The following NFIA variants were observed in gnomAD, a reference collection of about 807,000 sequenced individuals.
The protein encoded by NFIA is nuclear factor I A.
NFIA carries 8 observed loss-of-function variants against 62.8 expected under a neutral mutation model. The ratio of observed to expected loss-of-function variants is 0.13; its 90% CI spans 0.07 to 0.23. The LOEUF is 0.23. Among genes scored for constraint, NFIA ranks in the 10% least tolerant of loss-of-function variants. NFIA has a pLI of 1.00. For missense variants in NFIA, 410 were observed against 642.1 expected, an observed-to-expected ratio of 0.64 and a Z score of 3.91; for synonymous variants, 235 against 238.1, an observed-to-expected ratio of 0.99 and a Z score of 0.12.
In NFIA at chr1:61,283,447, T is replaced by C. The variant is rs1469687499; in HGVS notation, c.625+5862T>C. Among the ~76,000 whole-genome samples, 6 of 151,174 alleles carry C rather than the reference T, an allele frequency of 4.0e-5. No homozygotes were observed. The East Asian group carries it at 1.2e-3, about 30-fold the overall frequency. ...AAAAAAAAAAATTAACCGGGCGTGA[T>C]GGCAGATGCTTGTAATCCTAGCCAC... On this transcript the variant is annotated intron_variant, in intron 3 of 10. Transcript: ENST00000403491.
At chr1:61,135,858 C>T (rs1647175028) in intron 2 of NFIA, among the ~76,000 whole-genome samples, 1 of 152,148 alleles carries the variant, frequency 6.6e-6, no homozygotes, top group Non-Finnish European at 1.5e-5. Context: ...CCATCCTTAT[C>T]CTTGTCTGGA....
chr1:61,088,240 A>T lies in NFIA; in HGVS notation c.119A>T (p.Tyr40Phe), dbSNP rs1357781210. The change falls in exon 2 of 11, where the codon TAC becomes TTC. Residue 40 changes from tyrosine (Y) to phenylalanine (F), a missense_variant. This residue lies in a region of NFIA where 86 missense variants were observed against 124.6 expected (regional missense o/e 0.69). Transcript: ENST00000403491. This position sits in a 1 kb window ranked among gnomAD's most constrained non-coding sequence, Gnocchi z 4.5. ...WFNLQARKRK[Y>F]FKKHEKRMSK... ...AACCTGCAGGCCCGAAAACGAAAAT[A>T]CTTCAAAAAACATGAAAAGCGTATG... 1 of 1,613,742 alleles carries T rather than the reference A, an allele frequency of 6.2e-7. No homozygotes were observed.
At chr1:61,261,238 C>T (rs1391848153) in intron 2 of NFIA, among the ~76,000 whole-genome samples, 1 of 152,192 alleles carries the variant, frequency 6.6e-6, no homozygotes, top group Non-Finnish European at 1.5e-5. Context: ...CAAATACCTT[C>T]AAGCTTTTCC....
intron 2 of NFIA, among the ~76,000 whole-genome samples, chr1:61,103,205 A>T (rs1222590958): frequency 6.6e-6 from 1 of 152,308 alleles, no homozygotes; most frequent in East Asian, 1.9e-4. Flanking sequence ...AACATATGGA[A>T]CCATCTTGTC....
chr1:61,181,927 T>C (rs908831696), intron 2 of NFIA, among the ~76,000 whole-genome samples: 2 of 152,204 alleles, frequency 1.3e-5, no homozygotes, highest in African/African-American at 4.8e-5. Context: ...AAGTGTCATA[T>C]ATGGGTCAGA....
At chr1:61,447,147 T>A (rs1176862157) in intron 10 of NFIA, among the ~76,000 whole-genome samples, 1 of 151,966 alleles carries the variant, frequency 6.6e-6, no homozygotes, top group African/African-American at 2.4e-5. Flanking sequence ...TAAAAAAAAA[T>A]TGTGAAGGAA....
At chr1:61,192,382 A>T (rs1651696101) in intron 2 of NFIA, among the ~76,000 whole-genome samples, 1 of 152,184 alleles carries the variant, frequency 6.6e-6, no homozygotes, top group Admixed American at 6.5e-5. Context: ...ACCATGTGGA[A>T]CTGAACCTTT....
At chr1:61,188,677 G>C (rs1651383453) in intron 2 of NFIA, among the ~76,000 whole-genome samples, 1 of 152,150 alleles carries the variant, frequency 6.6e-6, no homozygotes, top group South Asian at 2.1e-4. Flanking sequence ...ATGGTAGACA[G>C]AAATCTGTTC....
intron 4 of NFIA, among the ~76,000 whole-genome samples, chr1:61,336,198 T>C (rs1307360216): frequency 2.0e-5 from 3 of 152,236 alleles, no homozygotes; most frequent in Admixed American, 6.5e-5. Flanking sequence ...TGTGCTTTTA[T>C]TGAATAATCA....
intron 2 of NFIA, among the ~76,000 whole-genome samples, chr1:61,272,283 G>A (rs1657555787): frequency 6.6e-6 from 1 of 151,832 alleles, no homozygotes; most frequent in Admixed American, 6.6e-5. Context: ...CTCAAATAAG[G>A]TTTTTCCAAT....
rs112058357 is a variant in NFIA at position 61,335,842 on chromosome 1, CA to C, written c.700+3267del. ...GGGTGACAAGGGCGAGACTCCATCT[CA>C]AAAAAAAAAAGAAATAAGCTAACTG... is the stretch of plus-strand genomic sequence containing the variant. On this transcript the variant is annotated intron_variant, in intron 4 of 10. Transcript: ENST00000403491. Among the ~76,000 whole-genome samples, 999 of 133,106 alleles carry C rather than the reference CA, an allele frequency of 7.5e-3. 14 individuals are homozygous for C. The highest frequency in any genetic ancestry group is 0.024 in the African/African-American group (876 of 36,188). 87.3% of individuals were successfully genotyped at this position (133,106 alleles called of 152,430 possible). A position where few individuals can be genotyped will look rare whatever the true frequency, so the allele number is the denominator to read the frequency against.
At chr1:61,090,339 T>A (rs1465286369) in intron 2 of NFIA, among the ~76,000 whole-genome samples, 1 of 152,158 alleles carries the variant, frequency 6.6e-6, no homozygotes, top group Non-Finnish European at 1.5e-5. Flanking sequence ...ATGACCAACA[T>A]CGAAACTTGA....
chr1:61,144,562 T>G (rs1025540046), intron 2 of NFIA, among the ~76,000 whole-genome samples: 1 of 152,154 alleles, frequency 6.6e-6, no homozygotes, highest in African/African-American at 2.4e-5. Flanking sequence ...GAATTCAGAT[T>G]CTTACTTTGC....
At chr1:61,353,148 A>G (rs761356044) in intron 5 of NFIA, among the ~76,000 whole-genome samples, 1 of 152,100 alleles carries the variant, frequency 6.6e-6, no homozygotes, top group Non-Finnish European at 1.5e-5. Context: ...AAAGCTCTCA[A>G]TATCCAGTTT....
At chr1:61,231,405 C>T (rs1654663264) in intron 2 of NFIA, among the ~76,000 whole-genome samples, 1 of 152,140 alleles carries the variant, frequency 6.6e-6, no homozygotes, top group Non-Finnish European at 1.5e-5. Context: ...CCACTGCTTA[C>T]CATTTCTTTG....
intron 6 of NFIA, among the ~76,000 whole-genome samples, chr1:61,372,009 A>T (rs529872012): frequency 6.6e-6 from 1 of 152,180 alleles, no homozygotes; most frequent in Non-Finnish European, 1.5e-5. Flanking sequence ...AGTTGCCTGT[A>T]TAAAATTGGA....
chr1:61,139,807 CA>C (rs943847761), intron 2 of NFIA, among the ~76,000 whole-genome samples: 19 of 142,944 alleles, frequency 1.3e-4, no homozygotes, highest in African/African-American at 4.8e-4. Context: ...TGATAAGCAT[CA>C]GGCTAAGCAT....
At position 61,459,265 on chromosome 1, in the gene NFIA, TTTTG is replaced by T. The variant is rs149639190; in HGVS notation, c.*3965_*3968del. 8 of 151,994 alleles carry T rather than the reference TTTTG, an allele frequency of 5.3e-5. No homozygotes were observed. The highest frequency in any genetic ancestry group is 1.9e-4 in the East Asian group (1 of 5,162). 9.4% of individuals were successfully genotyped at this position (151,994 alleles called of 1,614,324 possible). On this transcript the variant is annotated 3_prime_UTR_variant, in exon 11 of 11. Transcript: ENST00000403491. ...GATGAGTCCCTCAAATTTCTGTGTT[TTTTG>T]TTTGTTTGTTTGTTTGTTTTTTCTT...
At chr1:61,348,568 C>T (rs1038986385) in intron 4 of NFIA, among the ~76,000 whole-genome samples, 2 of 152,082 alleles carry the variant, frequency 1.3e-5, no homozygotes, top group African/African-American at 4.8e-5. Context: ...TTTATGTGGG[C>T]TTAATTATTT....
Sources: gnomAD v4.1 joint callset for allele counts (sites outside exome capture counted in the v4.1 genomes callset) on GRCh38, gnomAD v4.1.1 for gene constraint, gnomAD v4.1.1 regional missense constraint, Gnocchi (gnomAD v3.1) non-coding constraint, MANE v1.5 for transcripts, NCBI Gene and HGNC (gene_info 2026-07-23, HGNC 2026-07-21) for gene names.